Variants in WDFY4 observed in about 807,000 individuals in gnomAD.
WDFY4 encodes WDFY family member 4, also known as WD repeat- and FYVE domain-containing protein 4.
In WDFY4, 169 loss-of-function variants were observed where a neutral mutation model predicts 351.9. The observed-to-expected ratio is 0.48, with a 90% CI of 0.42 to 0.55. The LOEUF (loss-of-function observed/expected upper bound fraction) is 0.55. WDFY4 is among the 20% of genes least tolerant of loss of function. WDFY4 has a pLI of 0.00. For synonymous variants in WDFY4, 1,622 were observed against 1,574.6 expected, an observed-to-expected ratio of 1.03 and a Z score of -0.71; for missense variants, 3,803 against 3,935.6, an observed-to-expected ratio of 0.97 and a Z score of 0.90.
At chr10:48,808,129 G>C (rs1043883651) in intron 28 of WDFY4, among the ~76,000 whole-genome samples, 171 bp downstream of exon 28, 8 of 152,300 alleles carry the variant, frequency 5.3e-5, no homozygotes, top group Admixed American at 5.2e-4. Flanking sequence ...ACCAGACCTT[G>C]CCCTAAGATA....
chr10:48,901,756 G>C, intron 46 of WDFY4, 45 bp from the exon 47 acceptor site: 1 of 1,538,916 alleles, frequency 6.5e-7, no homozygotes, highest in Non-Finnish European at 8.8e-7. Flanking sequence ...CAGGAGAAAG[G>C]GTCTTGACTC....
rs1398764461 is a variant in WDFY4, at chr10:48,890,644, T to C, written c.7233T>C (p.Phe2411=). Residue 2411 remains phenylalanine (F), a synonymous_variant, in exon 44 of 62, where the codon TTT becomes TTC. Coordinates refer to ENST00000325239, the MANE Select transcript of WDFY4 (RefSeq NM_001394531.1). ...GHLVSEGVLL[F]GHQHFYICEN... The stretch of plus-strand genomic sequence containing the variant: ...TGGTGTCAGAAGGGGTCCTGCTTTT[T>C]GGCCACCAACACTTCTACATCTGCG... 14 of 1,551,606 alleles carry C rather than the reference T, an allele frequency of 9.0e-6. No homozygotes were observed. The highest frequency in any genetic ancestry group is 1.2e-5 in the Non-Finnish European group (14 of 1,146,992).
chr10:48,906,638 A>G (rs893839680), intron 47 of WDFY4, among the ~76,000 whole-genome samples: 1 of 152,242 alleles, frequency 6.6e-6, no homozygotes, highest in African/African-American at 2.4e-5. Context: ...AAAAGGAGAA[A>G]TGATGGCAGG....
In WDFY4 at chr10:48,880,222, C is replaced by G. The variant is rs1013074446; in HGVS notation, c.7167+3023C>G. On this transcript the variant is annotated intron_variant, in intron 43 of 61. Coordinates refer to ENST00000325239, the MANE Select transcript of WDFY4 (RefSeq NM_001394531.1). The stretch of plus-strand genomic sequence containing the variant: ...AGGCTGAAGTTTATGGTCAGGGACC[C>G]GAGTGAGTCCCAGCCCCGCCTCTTG... Among the ~76,000 whole-genome samples the G allele has an allele frequency of 3.3e-5, 5 of 152,164 alleles. No homozygotes were observed. In the East Asian group the frequency reaches 9.7e-4, roughly 29 times the overall value.
chr10:48,832,491 G>A (rs982416931), intron 38 of WDFY4, 82 bp from the exon 39 acceptor site: 50 of 1,420,828 alleles, frequency 3.5e-5, no homozygotes, highest in Admixed American at 2.5e-5. Flanking sequence ...GCCCCTGGCT[G>A]GCCCTTTGAA....
chr10:48,877,641 T>C (rs1409372269), intron 43 of WDFY4, among the ~76,000 whole-genome samples: 1 of 152,202 alleles, frequency 6.6e-6, no homozygotes, highest in Non-Finnish European at 1.5e-5. Flanking sequence ...ATCCGCACTG[T>C]CCCTATGCCT....
chr10:48,867,400 G>A, intron 40 of WDFY4, 58 bp downstream of exon 40: 2 of 1,197,630 alleles, frequency 1.7e-6, no homozygotes, highest in South Asian at 3.7e-5. Context: ...CCTTGAACCT[G>A]AAAAATAATT....
chr10:48,869,213 TC>T (rs1410985295), intron 40 of WDFY4, among the ~76,000 whole-genome samples: 1 of 152,180 alleles, frequency 6.6e-6, no homozygotes, highest in East Asian at 1.9e-4. Context: ...CCATTCCACT[TC>T]CAGAAAAGTC....
intron 40 of WDFY4, among the ~76,000 whole-genome samples, chr10:48,868,285 G>A (rs534783266): frequency 7.9e-5 from 12 of 152,254 alleles, no homozygotes; most frequent in Non-Finnish European, 1.3e-4. Flanking sequence ...TCTCCTGAGT[G>A]ATGGGAGCAG....
intron 39 of WDFY4, among the ~76,000 whole-genome samples, chr10:48,840,316 C>A (rs934554408): frequency 6.6e-6 from 1 of 152,004 alleles, no homozygotes; most frequent in South Asian, 2.1e-4. Flanking sequence ...TTCAACCAGC[C>A]TGGGGCGGTG....
At chr10:48,784,274 G>A (rs147510049) in intron 19 of WDFY4, among the ~76,000 whole-genome samples, 2,264 of 152,226 alleles carry the variant, frequency 0.015, 60 homozygotes, top group African/African-American at 0.048. Context: ...AAACTATTTC[G>A]AAAATGATTG....
At chr10:48,769,865 C>T (rs1299033690) in intron 13 of WDFY4, among the ~76,000 whole-genome samples, 1 of 152,228 alleles carries the variant, frequency 6.6e-6, no homozygotes, top group East Asian at 1.9e-4. Flanking sequence ...CAGAAAATTC[C>T]TTAAGGCTGC....
In WDFY4 at chr10:48,786,833, A is replaced by C; in HGVS notation, c.3771A>C (p.Pro1257=). 1 of 1,552,228 alleles carries C rather than the reference A, an allele frequency of 6.4e-7. No homozygotes were observed. The highest frequency in any genetic ancestry group is 8.7e-7 in the Non-Finnish European group (1 of 1,147,112). Residue 1257 remains proline, a synonymous_variant, in exon 20 of 62, where the codon CCA becomes CCC. Transcript: ENST00000325239. ...TGGAAGTTATTAACAAACTTGGCCC[A>C]AGATATTGTGGTAACTTCCAAGCTG... The part of the protein sequence containing the change: ...ETLEVINKLG[P]RYCGNFQAVH...
At chr10:48,693,734 C>A (rs931003384) in intron 1 of WDFY4, among the ~76,000 whole-genome samples, 2 of 151,956 alleles carry the variant, frequency 1.3e-5, no homozygotes, top group African/African-American at 4.8e-5. Context: ...CTGAAGCCCC[C>A]ACTTCTAGTG....
chr10:48,896,361 G>A (rs1015046540), intron 44 of WDFY4, among the ~76,000 whole-genome samples: 1 of 152,202 alleles, frequency 6.6e-6, no homozygotes, highest in African/African-American at 2.4e-5. Flanking sequence ...TACCACTATG[G>A]CCCCACTGGG....
chr10:48,819,087 A>G (rs940900609), intron 32 of WDFY4, among the ~76,000 whole-genome samples: 22 of 152,222 alleles, frequency 1.4e-4, no homozygotes, highest in Non-Finnish European at 7.4e-5. Context: ...GCCCAGGTGC[A>G]CACTCTGACC....
Position 48,943,322 on chromosome 10 carries a change from T to C in WDFY4, c.7630-8T>C. 6.4e-7 allele frequency: 1 copy of C among 1,551,548 alleles called. No homozygotes were observed. The highest frequency in any genetic ancestry group is 8.7e-7 in the Non-Finnish European group (1 of 1,146,944). ...TTTGGTTTATCCCCTTTCTGTCTCT[T>C]CTGGTAGAAAAGGGACATCAGCAAT... is the stretch of plus-strand genomic sequence containing the variant. On this transcript the variant is annotated splice_polypyrimidine_tract_variant and splice_region_variant and intron_variant, in intron 48 of 61. Coordinates refer to ENST00000325239, the MANE Select transcript of WDFY4 (RefSeq NM_001394531.1).
Position 48,820,344 on chromosome 10 carries a change from G to A in WDFY4, c.5616G>A (p.Arg1872=). ...CCACCAAGGCACATCCCGCCCGGAGGAAGCTGAGGGAGTTCACGCAGCTCC... is the reference window on the plus strand; with the variant it reads ...CCACCAAGGCACATCCCGCCCGGAGAAAGCTGAGGGAGTTCACGCAGCTCC... ...QAPTKAHPAR[R]KLREFTQLLL... Residue 1872 remains arginine (R), a synonymous_variant, in exon 33 of 62, where the codon AGG becomes AGA. Transcript: ENST00000325239. 6.4e-7 allele frequency: 1 copy of A among 1,551,654 alleles called. No individual in the cohort carries two copies. Among genetic ancestry groups the A allele is most frequent in the Middle Eastern group, 1.7e-4 (1 of 5,992 alleles).
chr10:48,741,090 T>G lies in WDFY4; in HGVS notation c.1879-1878T>G, dbSNP rs187898025. ...TAGATGGGGCCCTGGAAGCCCTTTA[T>G]GCATATCCTTGGCTGCTGTTTCTCT... On this transcript the variant is annotated intron_variant, in intron 11 of 61. Coordinates refer to ENST00000325239, the MANE Select transcript of WDFY4 (RefSeq NM_001394531.1). Among the ~76,000 whole-genome samples, 337 of 152,228 alleles carry G rather than the reference T, an allele frequency of 2.2e-3. 2 individuals are homozygous for G. Among genetic ancestry groups the G allele is most frequent in the Non-Finnish European group, 3.6e-3 (247 of 68,002 alleles).
Sources: gnomAD v4.1 joint callset for allele counts (sites outside exome capture counted in the v4.1 genomes callset) on GRCh38, gnomAD v4.1.1 for gene constraint, MANE v1.5 for transcripts, NCBI Gene and HGNC (gene_info 2026-07-23, HGNC 2026-07-21) for gene names.